WLS: variants seen among roughly 807,000 people sequenced by gnomAD.
The protein encoded by WLS is Wnt ligand secretion mediator.
Under a neutral mutation model 62.8 loss-of-function variants are expected in WLS, and 23 were observed. The observed-to-expected ratio is 0.37, with a 90% CI of 0.26 to 0.52. The LOEUF (loss-of-function observed/expected upper bound fraction) is 0.52, where lower values mean the gene tolerates loss of function less well. Among genes scored for constraint, WLS ranks in the 20% least tolerant of loss-of-function variants. The pLI is 0.92. For synonymous variants in WLS, 246 were observed against 244.1 expected (o/e 1.01, Z -0.07); for missense variants, 615 against 697.3 (o/e 0.88, Z 1.33).
chr1:68,228,897 GTTTTTTTT>G (rs10713302), intron 1 of WLS, among the ~76,000 whole-genome samples: 11 of 90,540 alleles, frequency 1.2e-4, no homozygotes, highest in African/African-American at 4.3e-4. Context: ...GTTTTTTTTT[GTTTTTTTT>G]TTTTTTTGGT....
intron 1 of WLS, among the ~76,000 whole-genome samples, chr1:68,198,011 A>T (rs998033133): frequency 6.6e-6 from 1 of 152,152 alleles, no homozygotes; most frequent in Non-Finnish European, 1.5e-5. Context: ...CAACAAACTG[A>T]GTCATGTTTG....
At chr1:68,197,007 C>T (rs1648702354) in intron 1 of WLS, among the ~76,000 whole-genome samples, 1 of 152,130 alleles carries the variant, frequency 6.6e-6, no homozygotes, top group Non-Finnish European at 1.5e-5. Context: ...CTAACATACT[C>T]AAACTGACTA....
intron 11 of WLS, among the ~76,000 whole-genome samples, chr1:68,110,502 A>G (rs927040163): frequency 6.6e-6 from 1 of 152,138 alleles, no homozygotes; most frequent in African/African-American, 2.4e-5. Flanking sequence ...GTCCAAGAAG[A>G]GCCAAGACAT....
At chr1:68,107,804 C>G (rs1367951404) in intron 11 of WLS, among the ~76,000 whole-genome samples, 2 of 152,020 alleles carry the variant, frequency 1.3e-5, no homozygotes, top group Non-Finnish European at 2.9e-5. Context: ...ATAATCTACC[C>G]CATCATGGGC....
intron 3 of WLS, among the ~76,000 whole-genome samples, chr1:68,156,513 C>T (rs1392243441): frequency 6.6e-6 from 1 of 152,010 alleles, no homozygotes; most frequent in East Asian, 1.9e-4. Context: ...GTAAACAGAC[C>T]TTTGTACAGA....
intron 2 of WLS, among the ~76,000 whole-genome samples, chr1:68,190,754 G>A (rs1403805395): frequency 1.3e-5 from 2 of 152,212 alleles, no homozygotes; most frequent in Admixed American, 1.3e-4. Flanking sequence ...CAGAAATGAG[G>A]AGCTAAGAAA....
At chr1:68,116,039 C>T (rs543538565) in intron 11 of WLS, among the ~76,000 whole-genome samples, 1 of 152,278 alleles carries the variant, frequency 6.6e-6, no homozygotes, top group South Asian at 2.1e-4. Context: ...TGTAGGTTGT[C>T]CCTTTGTCCC....
At chr1:68,162,574 G>A (rs1397322449) in intron 2 of WLS, 4 of 1,535,334 alleles carry the variant, frequency 2.6e-6, no homozygotes, top group Admixed American at 3.4e-5. Context: ...GGCCGATCCC[G>A]AGGCCAACTC....
intron 2 of WLS, 126 bp from the exon 3 acceptor site, chr1:68,159,373 C>G: frequency 1.6e-6 from 2 of 1,241,904 alleles, no homozygotes; most frequent in Non-Finnish European, 2.2e-6. Flanking sequence ...TAATTTCTAT[C>G]AAACTCCAAA....
intron 10 of WLS, among the ~76,000 whole-genome samples, chr1:68,140,553 A>G (rs190716579): frequency 2.6e-5 from 4 of 152,342 alleles, no homozygotes; most frequent in Non-Finnish European, 4.4e-5. Context: ...TGAGATGCCC[A>G]TAGTATGAGA....
At chr1:68,131,323 C>T (rs2100400367) in intron 11 of WLS, among the ~76,000 whole-genome samples, 1 of 152,204 alleles carries the variant, frequency 6.6e-6, no homozygotes, top group Admixed American at 6.5e-5. Context: ...TTCCTCTGTA[C>T]TCTGCATGGC....
chr1:68,123,935 T>C (rs1215416227), downstream of WLS, among the ~76,000 whole-genome samples: 1 of 152,178 alleles, frequency 6.6e-6, no homozygotes, highest in Non-Finnish European at 1.5e-5. Context: ...AGGAAAGTTC[T>C]AGTACAGTCT....
At chr1:68,202,559 G>A (rs1287557624) in intron 1 of WLS, 1 of 152,162 alleles carries the variant, frequency 6.6e-6, no homozygotes, top group Admixed American at 6.5e-5. Context: ...AAATACATAT[G>A]AAGTGAACAC....
intron 1 of WLS, among the ~76,000 whole-genome samples, chr1:68,226,447 T>C (rs1650144772): frequency 6.6e-6 from 1 of 152,210 alleles, no homozygotes; most frequent in Non-Finnish European, 1.5e-5. Flanking sequence ...ATATTGCACA[T>C]TCAATACATG....
At chr1:68,148,017 G>T in intron 8 of WLS, 119 bp downstream of exon 8, 1 of 1,051,478 alleles carries the variant, frequency 9.5e-7, no homozygotes, top group Non-Finnish European at 1.4e-6. Context: ...TGATTGGCCT[G>T]AGAATCAAAG....
intron 9 of WLS, among the ~76,000 whole-genome samples, chr1:68,144,912 G>T (rs369086640): frequency 6.6e-6 from 1 of 152,162 alleles, no homozygotes; most frequent in Non-Finnish European, 1.5e-5. Flanking sequence ...ACAACACGTC[G>T]TGAGGCTGCT....
chr1:68,171,222 C>T (rs896910540), intron 2 of WLS, among the ~76,000 whole-genome samples: 1 of 152,118 alleles, frequency 6.6e-6, no homozygotes, highest in Non-Finnish European at 1.5e-5. Context: ...CCCTAGAAGA[C>T]AACCTAGGCA....
At chr1:68,228,124 A>T in intron 1 of WLS, 3 of 355,820 alleles carry the variant, frequency 8.4e-6, no homozygotes, top group South Asian at 6.8e-5. Flanking sequence ...CATCCTCAAC[A>T]TTAAAAATTT....
chr1:68,152,799 G>A (rs1245427248), intron 5 of WLS, among the ~76,000 whole-genome samples: 1 of 152,194 alleles, frequency 6.6e-6, no homozygotes, highest in Non-Finnish European at 1.5e-5. Flanking sequence ...GGACATGTTT[G>A]TATATTAATA....
Sources: gnomAD v4.1 joint callset for allele counts (sites outside exome capture counted in the v4.1 genomes callset) on GRCh38, gnomAD v4.1.1 for gene constraint, MANE v1.5 for transcripts, NCBI Gene and HGNC (gene_info 2026-07-23, HGNC 2026-07-21) for gene names.